Variants in OSBPL9 observed in about 807,000 individuals in gnomAD.
OSBPL9 encodes oxysterol binding protein like 9, also known as oxysterol-binding protein-related protein 9.
OSBPL9 carries 40 observed loss-of-function variants against 106.6 expected under a neutral mutation model. That is an observed-to-expected ratio of 0.38 (90% confidence interval 0.29 to 0.49). The LOEUF is 0.49. OSBPL9 is among the 20% of genes least tolerant of loss of function. The pLI, the probability that OSBPL9 is intolerant of heterozygous loss-of-function variation, is 0.97. For missense variants in OSBPL9, 609 were observed against 887.2 expected, an observed-to-expected ratio of 0.69 and a Z score of 3.98; for synonymous variants, 269 against 295.4, an observed-to-expected ratio of 0.91 and a Z score of 0.92.
chr1:51,722,570 C>A (rs1353000680), intron 4 of OSBPL9, among the ~76,000 whole-genome samples: 6 of 152,146 alleles, frequency 3.9e-5, no homozygotes, highest in Non-Finnish European at 8.8e-5. Context: ...ACATGCCATT[C>A]CTTGTTTGAA....
the OSBPL9 span, among the ~76,000 whole-genome samples, chr1:51,544,739 C>T: frequency 6.6e-6 from 1 of 150,500 alleles, no homozygotes; most frequent in South Asian, 2.1e-4. Flanking sequence ...AGAACTAAAT[C>T]TTAATATATA....
intron 4 of OSBPL9, among the ~76,000 whole-genome samples, chr1:51,716,497 T>C (rs1661082846): frequency 6.6e-6 from 1 of 152,208 alleles, no homozygotes; most frequent in Non-Finnish European, 1.5e-5. Flanking sequence ...TAATATTGGA[T>C]GAGAACTGGT....
chr1:51,786,559 C>T lies in OSBPL9; in HGVS notation c.1942C>T (p.Pro648Ser), dbSNP rs756759653. 3 of 1,612,212 alleles carry T rather than the reference C, an allele frequency of 1.9e-6. No individual in the cohort carries two copies. The South Asian group carries it at 3.3e-5, about 18-fold the overall frequency. Residue 648 changes from proline to serine, a missense_variant, in exon 22 of 24, where the codon CCT becomes TCT. By Grantham distance (74) the Pro-to-Ser change is moderately conservative. This residue lies in a region of OSBPL9 where 132 missense variants were observed against 158.1 expected (regional missense o/e 0.83). Coordinates refer to ENST00000428468, the MANE Select transcript of OSBPL9 (RefSeq NM_024586.6). ...NTVFVDTKKL[P>S]IIKKKVRKLE... is the part of the protein sequence containing the mutation. ...AGTCTTTGTAGATACCAAGAAGTTG[C>T]CTATAATCAAGAAGAAAGTGAGGAA...
intron 14 of OSBPL9, among the ~76,000 whole-genome samples, chr1:51,776,163 T>C (rs1361157585): frequency 1.3e-5 from 2 of 152,232 alleles, no homozygotes; most frequent in Non-Finnish European, 2.9e-5. Flanking sequence ...TCTTTTCTTC[T>C]TTTTGTTTAT....
At chr1:51,636,274 C>T (rs1645443517) in intron 1 of OSBPL9, among the ~76,000 whole-genome samples, 1 of 150,522 alleles carries the variant, frequency 6.6e-6, no homozygotes, top group African/African-American at 2.4e-5. Context: ...AATCCTTCCA[C>T]CTCAGCCTCC....
intron 3 of OSBPL9, among the ~76,000 whole-genome samples, chr1:51,680,197 G>T (rs570853834): frequency 6.6e-6 from 1 of 152,198 alleles, no homozygotes; most frequent in Non-Finnish European, 1.5e-5. Flanking sequence ...AGAGGTTGCA[G>T]TGAGCCAAGA....
intron 3 of OSBPL9, among the ~76,000 whole-genome samples, chr1:51,685,369 A>T (rs142374406): frequency 6.5e-4 from 99 of 152,210 alleles, no homozygotes; most frequent in African/African-American, 2.3e-3. Context: ...TAGACTGCCA[A>T]CTGGTAAATT....
the OSBPL9 span, among the ~76,000 whole-genome samples, chr1:51,521,701 A>G: frequency 6.6e-6 from 1 of 152,210 alleles, no homozygotes; most frequent in African/African-American, 2.4e-5. Flanking sequence ...TCTCTAATAA[A>G]TAAATAACAC....
At chr1:51,691,739 TAA>T (rs1350888638) in intron 3 of OSBPL9, among the ~76,000 whole-genome samples, 3 of 152,242 alleles carry the variant, frequency 2.0e-5, no homozygotes, top group Admixed American at 2.0e-4. Flanking sequence ...TTTTTCTATT[TAA>T]GATTTTTTTT....
chr1:51,711,482 C>T (rs1659867661), intron 3 of OSBPL9, among the ~76,000 whole-genome samples: 1 of 139,834 alleles, frequency 7.2e-6, no homozygotes, highest in Non-Finnish European at 1.6e-5. Context: ...CCACCTCCCT[C>T]CCGGACGGGG....
At chr1:51,698,246 G>T (rs2148845850) in intron 3 of OSBPL9, among the ~76,000 whole-genome samples, 1 of 152,220 alleles carries the variant, frequency 6.6e-6, no homozygotes. Context: ...CAGCTTAAGA[G>T]ATACTAAAAA....
intron 1 of OSBPL9, among the ~76,000 whole-genome samples, chr1:51,628,475 T>C (rs189983443): frequency 1.3e-5 from 2 of 151,732 alleles, no homozygotes; most frequent in East Asian, 3.9e-4. Flanking sequence ...TTTCAATACG[T>C]TGGGAGGCTG....
intron 21 of OSBPL9, chr1:51,786,107 T>G: frequency 1.9e-6 from 1 of 535,504 alleles, no homozygotes. Context: ...TATAATCATT[T>G]TTACTTTTCT....
intron 4 of OSBPL9, among the ~76,000 whole-genome samples, chr1:51,735,915 AAAT>A (rs1351977584): frequency 1.6e-4 from 25 of 152,332 alleles, no homozygotes; most frequent in Non-Finnish European, 2.1e-4. Flanking sequence ...AGCCTTGGAA[AAAT>A]TCAGCAGCCA....
intron 2 of OSBPL9, among the ~76,000 whole-genome samples, chr1:51,661,632 T>C (rs1386909443): frequency 2.0e-5 from 3 of 152,318 alleles, no homozygotes; most frequent in Non-Finnish European, 2.9e-5. Flanking sequence ...TTTATTATGT[T>C]GGCACAATGG....
chr1:51,764,175 G>A (rs1672098148), intron 11 of OSBPL9, among the ~76,000 whole-genome samples: 1 of 152,080 alleles, frequency 6.6e-6, no homozygotes, highest in African/African-American at 2.4e-5. Context: ...AAGATAAAAT[G>A]TTTGCTCTCC....
chr1:51,755,662 A>C (rs1418755438), intron 8 of OSBPL9, among the ~76,000 whole-genome samples: 1 of 152,236 alleles, frequency 6.6e-6, no homozygotes, highest in Non-Finnish European at 1.5e-5. Flanking sequence ...TTTTTGCCCA[A>C]CTGTAGGCTA....
At chr1:51,751,599 TC>T (rs1208862096) in intron 8 of OSBPL9, among the ~76,000 whole-genome samples, 2 of 152,314 alleles carry the variant, frequency 1.3e-5, no homozygotes, top group African/African-American at 4.8e-5. Context: ...CCTATAGTTA[TC>T]CAAAAGCTTA....
intron 1 of OSBPL9, among the ~76,000 whole-genome samples, chr1:51,645,175 T>C (rs1646071120): frequency 1.3e-5 from 2 of 152,342 alleles, no homozygotes; most frequent in African/African-American, 4.8e-5. Flanking sequence ...ATTTCTGTTA[T>C]AAATTATGCA....
Sources: allele counts gnomAD v4.1 joint callset (sites outside exome capture counted in the v4.1 genomes callset), GRCh38; gene constraint gnomAD v4.1.1; regional missense constraint gnomAD v4.1.1; transcripts MANE v1.5; gene names NCBI Gene and HGNC (gene_info 2026-07-23, HGNC 2026-07-21).